The following LRTM2 variants were observed in gnomAD, a reference collection of about 807,000 sequenced individuals.
LRTM2 encodes leucine rich repeat transmembrane protein 2, also known as leucine-rich repeat and transmembrane domain-containing protein 2.
In LRTM2, 18 loss-of-function variants were observed where a neutral mutation model predicts 28.1. The ratio of observed to expected loss-of-function variants is 0.64; its 90% confidence interval spans 0.44 to 0.95. The LOEUF is 0.95. Among genes scored for constraint, LRTM2 ranks in the 40% least tolerant of loss-of-function variants. The pLI, the probability that LRTM2 is intolerant of heterozygous loss-of-function variation, is 0.00. For missense variants in LRTM2, 436 were observed against 497.2 expected, an observed-to-expected ratio of 0.88 and a Z score of 1.17; for synonymous variants, 250 against 218.7, an observed-to-expected ratio of 1.14 and a Z score of -1.26.
In LRTM2 at chr12:1,829,745, G is replaced by A. The variant is rs776152868; in HGVS notation, c.68-1190G>A. Among the ~76,000 whole-genome samples the A allele has an allele frequency of 2.0e-5, 3 of 148,596 alleles. No homozygotes were observed. Among genetic ancestry groups the A allele is most frequent in the Non-Finnish European group, 4.5e-5 (3 of 67,182 alleles). ...CCCAGGTCCCATGTCAGGGTGGGCCGATGGGCTGTGAGCTGGGTCTGAACT... is the reference window on the plus strand; with the variant it reads ...CCCAGGTCCCATGTCAGGGTGGGCCAATGGGCTGTGAGCTGGGTCTGAACT... On this transcript the variant is annotated intron_variant, in intron 3 of 4. Coordinates refer to ENST00000299194, the MANE Select transcript of LRTM2 (RefSeq NM_001039029.3). This position sits in a 1 kb window ranked among gnomAD's most constrained non-coding sequence, Gnocchi z 4.2.
intron 1 of LRTM2, among the ~76,000 whole-genome samples, chr12:1,826,706 C>CG (rs34310582): frequency 0.41 from 61,954 of 152,150 alleles, 15,203 homozygotes; most frequent in East Asian, 0.83. Context: ...CTGCCCTTGC[C>CG]GGGGGCAGAG....
intron 1 of LRTM2, chr12:1,823,346 G>T (rs1269390942): frequency 6.6e-6 from 1 of 152,250 alleles, no homozygotes; most frequent in Non-Finnish European, 1.5e-5. Flanking sequence ...AGGAGAAATG[G>T]AAGGGGCAGG....
Position 1,834,260 on chromosome 12 carries a change from C to T in LRTM2, c.659-7C>T, listed in dbSNP as rs1195712904. On this transcript the variant is annotated splice_polypyrimidine_tract_variant and splice_region_variant and intron_variant, in intron 4 of 4. Coordinates refer to ENST00000299194, the MANE Select transcript of LRTM2 (RefSeq NM_001039029.3). The surrounding 1 kb of genome is among the most constrained non-coding windows in gnomAD (Gnocchi z 7.6). ...GGTCAGCCCCTCTTTTTCTCTTCTG[C>T]ATGTAGGGGGACGCTTGGACCAGCT... The T allele has an allele frequency of 1.3e-6, 2 of 1,553,164 alleles. No homozygotes were observed. The highest frequency in any genetic ancestry group is 1.9e-5 in the Admixed American group (1 of 53,520).
intron 1 of LRTM2, among the ~76,000 whole-genome samples, chr12:1,825,474 G>C (rs1456754945): frequency 6.6e-6 from 1 of 152,246 alleles, no homozygotes; most frequent in Non-Finnish European, 1.5e-5. Context: ...CTAGACCTTA[G>C]TTCCAGGCTG....
chr12:1,825,255 G>A (rs1160491342), intron 1 of LRTM2, among the ~76,000 whole-genome samples: 1 of 152,188 alleles, frequency 6.6e-6, no homozygotes, highest in Non-Finnish European at 1.5e-5. Flanking sequence ...GGTGAGGTGG[G>A]ATGCAAAAGA....
rs965878166 is a variant in LRTM2, at chr12:1,830,817, G to T, written c.68-118G>T. 13 of 807,510 alleles carry T rather than the reference G, an allele frequency of 1.6e-5. No individual in the cohort carries two copies. In the Admixed American group the frequency reaches 1.8e-4, roughly 11 times the overall value. 50.0% of individuals were successfully genotyped at this position (807,510 alleles called of 1,614,324 possible). Reference sequence around the variant, plus strand: ...AATAAACGTTTATGCATTGATTGTGGCTTGTGCCAAAGGAGATAAAGCCAA... The same window carrying T: ...AATAAACGTTTATGCATTGATTGTGTCTTGTGCCAAAGGAGATAAAGCCAA... On this transcript the variant is annotated intron_variant, in intron 3 of 4. Coordinates refer to ENST00000299194, the MANE Select transcript of LRTM2 (RefSeq NM_001039029.3).
Position 1,828,020 on chromosome 12 carries a change from TG to T in LRTM2, c.-73-53del. Reference sequence around the variant, plus strand: ...ACACCCGGGCCCTCTCCCTAACCCCTGGGCTGGAACGGGGCTCCCGCGCCTG... The same window carrying T: ...ACACCCGGGCCCTCTCCCTAACCCCTGGCTGGAACGGGGCTCCCGCGCCTG... On this transcript the variant is annotated intron_variant, in intron 2 of 4. Transcript: ENST00000299194. The surrounding 1 kb of genome is among the most constrained non-coding windows in gnomAD (Gnocchi z 4.2). 2 of 759,452 alleles carry T rather than the reference TG, an allele frequency of 2.6e-6. No individual in the cohort carries two copies. Among genetic ancestry groups the T allele is most frequent in the Non-Finnish European group, 2.0e-6 (1 of 507,748 alleles). The allele number at this position is 759,452 out of a possible 1,614,324, so 47.0% of individuals were successfully genotyped here.
intron 1 of LRTM2, among the ~76,000 whole-genome samples, chr12:1,821,072 G>A (rs1864080095): frequency 6.6e-6 from 1 of 152,186 alleles, no homozygotes; most frequent in Non-Finnish European, 1.5e-5. Flanking sequence ...GTGGGGAGGA[G>A]GGCAGCGCTG....
In LRTM2 at chr12:1,828,614, T is replaced by C. The variant is rs908500558; in HGVS notation, c.67+399T>C. 1.3e-5 allele frequency among the ~76,000 whole-genome samples: 2 copies of C among 152,176 alleles called. No homozygotes were observed. Among genetic ancestry groups the C allele is most frequent in the South Asian group, 4.1e-4 (2 of 4,830 alleles). The stretch of plus-strand genomic sequence containing the variant: ...CACAGACTGCGGCGAGCCCTTTTGC[T>C]CCCGTGGGGAACTGCCCCCTTGGCT... On this transcript the variant is annotated intron_variant, in intron 3 of 4. Coordinates refer to ENST00000299194, the MANE Select transcript of LRTM2 (RefSeq NM_001039029.3). This position sits in a 1 kb window ranked among gnomAD's most constrained non-coding sequence, Gnocchi z 4.2.
intron 1 of LRTM2, among the ~76,000 whole-genome samples, chr12:1,826,403 C>A (rs1376734501): frequency 3.8e-5 from 1 of 26,068 alleles, no homozygotes; most frequent in African/African-American, 1.7e-4. Context: ...ACCCAGAGCC[C>A]CCCCCCCCCC....
intron 1 of LRTM2, among the ~76,000 whole-genome samples, chr12:1,821,539 G>A (rs1049410883): frequency 6.6e-6 from 1 of 152,188 alleles, no homozygotes; most frequent in African/African-American, 2.4e-5. Flanking sequence ...AACCTGCTGG[G>A]GTGTCCCGCA....
At chr12:1,823,622 C>T (rs1430650679) in intron 1 of LRTM2, among the ~76,000 whole-genome samples, 1 of 152,030 alleles carries the variant, frequency 6.6e-6, no homozygotes, top group African/African-American at 2.4e-5. Flanking sequence ...CCTCAGCACA[C>T]AACCCCCAGC....
At chr12:1,821,106 G>T (rs1461886612) in intron 1 of LRTM2, among the ~76,000 whole-genome samples, 1 of 152,214 alleles carries the variant, frequency 6.6e-6, no homozygotes, top group Non-Finnish European at 1.5e-5. Flanking sequence ...GTCCCGGGTG[G>T]CATAGAAACC....
In LRTM2 at chr12:1,832,611, A is replaced by AAT. The variant is rs576734420; in HGVS notation, c.658+1087_658+1088dup. ...GCCACAATTTCAATTATTTCCATGAAATTCTCCTGTGTTAGTTAATTAAAA... is the reference window on the plus strand; with the variant it reads ...GCCACAATTTCAATTATTTCCATGAAATATTCTCCTGTGTTAGTTAATTAAAA... On this transcript the variant is annotated intron_variant, in intron 4 of 4. Coordinates refer to ENST00000299194, the MANE Select transcript of LRTM2 (RefSeq NM_001039029.3). Among the ~76,000 whole-genome samples the AAT allele has an allele frequency of 1.6e-3, 240 of 152,330 alleles. 1 individual carries two copies. Among genetic ancestry groups the AAT allele is most frequent in the Middle Eastern group, 0.014 (4 of 294 alleles).
chr12:1,825,729 G>T (rs1249981063), intron 1 of LRTM2, among the ~76,000 whole-genome samples: 1 of 152,232 alleles, frequency 6.6e-6, no homozygotes, highest in Non-Finnish European at 1.5e-5. Context: ...GCCTGTGTGT[G>T]TGCCCTGCTC....
intron 1 of LRTM2, among the ~76,000 whole-genome samples, chr12:1,825,538 C>T (rs1864278375): frequency 6.6e-6 from 1 of 152,228 alleles, no homozygotes; most frequent in African/African-American, 2.4e-5. Context: ...AGAGGCATCT[C>T]ACTCAGCTGC....
chr12:1,830,868 G>T, intron 3 of LRTM2, 67 bp from the exon 4 acceptor site: 1 of 1,321,342 alleles, frequency 7.6e-7, no homozygotes, highest in Non-Finnish European at 1.0e-6. Context: ...TAGAAAGGAG[G>T]GAAGAGAAGC....
chr12:1,830,798 C>T lies in LRTM2; in HGVS notation c.68-137C>T, dbSNP rs1287140376. 11 of 684,888 alleles carry T rather than the reference C, an allele frequency of 1.6e-5. 1 individual carries two copies. The highest frequency in any genetic ancestry group is 5.9e-5 in the South Asian group (3 of 50,874). 42.4% of individuals were successfully genotyped at this position (684,888 alleles called of 1,614,324 possible). ...ATTATGCTTTTATGTGGTTAATAAACGTTTATGCATTGATTGTGGCTTGTG... is the reference window on the plus strand; with the variant it reads ...ATTATGCTTTTATGTGGTTAATAAATGTTTATGCATTGATTGTGGCTTGTG... On this transcript the variant is annotated intron_variant, in intron 3 of 4. Coordinates refer to ENST00000299194, the MANE Select transcript of LRTM2 (RefSeq NM_001039029.3).
rs536623609 is a variant in LRTM2, at chr12:1,829,005, C to T, written c.67+790C>T. Among the ~76,000 whole-genome samples the T allele has an allele frequency of 2.2e-4, 33 of 152,344 alleles. No individual in the cohort carries two copies. Among genetic ancestry groups the T allele is most frequent in the Admixed American group, 1.6e-3 (24 of 15,306 alleles). ...CCTGACTTCCCGCTCTGATCCAGCA[C>T]CCAACACGGGCAGCCTGAATTATTC... On this transcript the variant is annotated intron_variant, in intron 3 of 4. Transcript: ENST00000299194. This position sits in a 1 kb window ranked among gnomAD's most constrained non-coding sequence, Gnocchi z 4.2.
Sources: gnomAD v4.1 joint callset for allele counts (sites outside exome capture counted in the v4.1 genomes callset) on GRCh38, gnomAD v4.1.1 for gene constraint, Gnocchi (gnomAD v3.1) non-coding constraint, MANE v1.5 for transcripts, NCBI Gene and HGNC (gene_info 2026-07-23, HGNC 2026-07-21) for gene names.